The following ARSB variants were observed in gnomAD, a reference collection of about 807,000 sequenced individuals.
The protein encoded by ARSB is arylsulfatase B.
In ARSB, 41 loss-of-function variants were observed where a neutral mutation model predicts 50.9. The observed-to-expected ratio is 0.81, with a 90% CI of 0.63 to 1.04. The LOEUF is 1.04. ARSB is among the 50% of genes least tolerant of loss of function. The pLI, the probability that ARSB is intolerant of heterozygous loss-of-function variation, is 0.00. For synonymous variants in ARSB, 269 were observed against 284.8 expected, an observed-to-expected ratio of 0.94 and a Z score of 0.56; for missense variants, 672 against 693.3, an observed-to-expected ratio of 0.97 and a Z score of 0.35.
chr5:78,963,828 G>C (rs1752095087), intron 3 of ARSB, among the ~76,000 whole-genome samples: 1 of 152,012 alleles, frequency 6.6e-6, no homozygotes, highest in Non-Finnish European at 1.5e-5. Flanking sequence ...AGACACTTTG[G>C]GCAGGGGGGA....
chr5:78,831,337 T>TC (rs1204716896), intron 6 of ARSB, among the ~76,000 whole-genome samples: 1 of 151,524 alleles, frequency 6.6e-6, no homozygotes, highest in East Asian at 2.0e-4. Flanking sequence ...AGCTCCCTCA[T>TC]CCCCCCAGCA....
intron 1 of ARSB, among the ~76,000 whole-genome samples, chr5:78,976,276 T>C (rs1188177637): frequency 2.2e-5 from 3 of 136,508 alleles, no homozygotes; most frequent in Non-Finnish European, 4.7e-5. Context: ...AAAAACAGGC[T>C]ACTTTTTTTT....
At chr5:78,878,559 A>G (rs984836032) in intron 5 of ARSB, among the ~76,000 whole-genome samples, 1 of 61,214 alleles carries the variant, frequency 1.6e-5, no homozygotes, top group African/African-American at 3.6e-5. Context: ...GTATCATTTT[A>G]TGTGTTTTTT....
chr5:78,830,238 GA>G (rs924493944), intron 6 of ARSB, among the ~76,000 whole-genome samples: 235 of 150,270 alleles, frequency 1.6e-3, no homozygotes, highest in Non-Finnish European at 2.8e-3. Context: ...TAACCCTGGG[GA>G]AAAAAAAACA....
intron 5 of ARSB, among the ~76,000 whole-genome samples, chr5:78,882,031 C>T (rs1747771958): frequency 6.6e-6 from 1 of 152,224 alleles, no homozygotes; most frequent in South Asian, 2.1e-4. Context: ...TGGGGAAACC[C>T]AGCAAGGTCT....
intron 4 of ARSB, among the ~76,000 whole-genome samples, chr5:78,925,175 G>T (rs923212556): frequency 6.6e-6 from 1 of 152,112 alleles, no homozygotes; most frequent in Non-Finnish European, 1.5e-5. Flanking sequence ...CACAGACCGT[G>T]CCCTAATCCA....
At chr5:78,967,667 C>T (rs1051761001) in intron 2 of ARSB, among the ~76,000 whole-genome samples, 4 of 138,064 alleles carry the variant, frequency 2.9e-5, no homozygotes, top group African/African-American at 1.0e-4. Flanking sequence ...AGCGAGACTC[C>T]GTATATAAAA....
At chr5:78,964,089 A>G (rs1360757548) in intron 3 of ARSB, among the ~76,000 whole-genome samples, 4 of 152,180 alleles carry the variant, frequency 2.6e-5, no homozygotes, top group Admixed American at 2.0e-4. Context: ...TTTTTAAACT[A>G]TATTTCTATT....
intron 6 of ARSB, among the ~76,000 whole-genome samples, chr5:78,809,497 A>G (rs778273860): frequency 1.3e-5 from 2 of 152,262 alleles, no homozygotes; most frequent in Non-Finnish European, 2.9e-5. Context: ...AGTGAGGAAC[A>G]ACAGGCAGAC....
At chr5:78,805,755 A>G (rs1362972299) in intron 6 of ARSB, among the ~76,000 whole-genome samples, 1 of 152,242 alleles carries the variant, frequency 6.6e-6, no homozygotes, top group Admixed American at 6.5e-5. Flanking sequence ...TTTGATTATC[A>G]TCGACTGAGC....
intron 6 of ARSB, among the ~76,000 whole-genome samples, chr5:78,821,903 G>C (rs966009494): frequency 6.6e-6 from 1 of 152,200 alleles, no homozygotes; most frequent in Non-Finnish European, 1.5e-5. Context: ...TTCAGAGTTG[G>C]AAAGACCCAA....
At chr5:78,833,520 T>C (rs983453804) in intron 6 of ARSB, among the ~76,000 whole-genome samples, 1 of 152,038 alleles carries the variant, frequency 6.6e-6, no homozygotes, top group African/African-American at 2.4e-5. Context: ...AGCAATTACA[T>C]CCCACACTCT....
intron 6 of ARSB, among the ~76,000 whole-genome samples, chr5:78,797,221 G>A (rs1024519315): frequency 5.9e-5 from 9 of 152,100 alleles, no homozygotes; most frequent in Non-Finnish European, 1.0e-4. Context: ...CTTGGTCTCC[G>A]AAAGTGCCGG....
chr5:78,842,099 C>CCACA (rs56103705), intron 5 of ARSB, among the ~76,000 whole-genome samples: 15,808 of 149,644 alleles, frequency 0.11, 1,054 homozygotes, highest in Middle Eastern at 0.18. Context: ...CCCTCCACCA[C>CCACA]CACACACACA....
chr5:78,875,052 G>A (rs1458926641), intron 5 of ARSB, among the ~76,000 whole-genome samples: 1 of 152,214 alleles, frequency 6.6e-6, no homozygotes. Context: ...GGCAGAAGTT[G>A]CAGTGAGCTA....
chr5:78,835,711 G>A, intron 6 of ARSB, among the ~76,000 whole-genome samples: 1 of 152,168 alleles, frequency 6.6e-6, no homozygotes, highest in East Asian at 1.9e-4. Flanking sequence ...AAGGAGAGAA[G>A]CAGAGTAAGC....
chr5:78,927,898 G>C lies in ARSB; in HGVS notation c.898+27397C>G, dbSNP rs74961579. Among the ~76,000 whole-genome samples, 365 of 152,320 alleles carry C rather than the reference G, an allele frequency of 2.4e-3. 1 individual carries two copies. The highest frequency in any genetic ancestry group is 8.4e-3 in the African/African-American group (351 of 41,564). Reference sequence around the variant, plus strand: ...AATGTCATGCTTAGGACCAGAAGGGGAGAAAGGAGATGAAATTGAAGACTC... The same window carrying C: ...AATGTCATGCTTAGGACCAGAAGGGCAGAAAGGAGATGAAATTGAAGACTC... On this transcript the variant is annotated intron_variant, in intron 4 of 7. Transcript: ENST00000264914.
intron 5 of ARSB, among the ~76,000 whole-genome samples, chr5:78,864,091 C>T (rs1471241322): frequency 6.6e-6 from 1 of 151,724 alleles, no homozygotes; most frequent in East Asian, 2.0e-4. Context: ...GGAAACAACC[C>T]TCTGAGACCT....
Position 78,882,775 on chromosome 5 carries a change from ATTTTTTTTTTTTT to A in ARSB, c.1142+2796_1142+2808del, listed in dbSNP as rs71001134. On this transcript the variant is annotated intron_variant, in intron 5 of 7. Transcript: ENST00000264914. ...GTTGTTTCTAGGTAAGATTTGAGTG[ATTTTTTTTTTTTT>A]TTTTTTTTTTTTTGAGACGGAGTCT... 16 of 75,762 alleles carry A rather than the reference ATTTTTTTTTTTTT, an allele frequency of 2.1e-4. No homozygotes were observed. In the East Asian group the frequency reaches 3.7e-3, roughly 18 times the overall value. The allele number at this position is 75,762 out of a possible 1,614,324, so 4.7% of individuals were successfully genotyped here.
Sources: allele counts gnomAD v4.1 joint callset (sites outside exome capture counted in the v4.1 genomes callset), GRCh38; gene constraint gnomAD v4.1.1; transcripts MANE v1.5; gene names NCBI Gene and HGNC (gene_info 2026-07-23, HGNC 2026-07-21).